CDK14: variants seen among roughly 807,000 people sequenced by gnomAD.
The protein encoded by CDK14 is cyclin-dependent kinase 14.
CDK14 carries 34 observed loss-of-function variants against 60.7 expected under a neutral mutation model. The ratio of observed to expected loss-of-function variants is 0.56; its 90% CI spans 0.43 to 0.75. The LOEUF is 0.75. Ranked by LOEUF, CDK14 falls within the 30% of genes least tolerant of loss-of-function variation. The probability of loss-of-function intolerance (pLI) is 0.00; values close to 1 mark genes in which losing one functional copy is unlikely to be tolerated. For synonymous variants in CDK14, 197 were observed against 203.7 expected (o/e 0.97, Z 0.28); for missense variants, 482 against 564.1 (o/e 0.85, Z 1.47).
intron 10 of CDK14, among the ~76,000 whole-genome samples, chr7:90,987,941 T>C (rs2115669341): frequency 6.6e-6 from 1 of 152,256 alleles, no homozygotes; most frequent in Admixed American, 6.5e-5. Flanking sequence ...TGTTTTGTGT[T>C]TTAATACAAG....
chr7:90,737,106 G>A (rs760181705), intron 3 of CDK14, among the ~76,000 whole-genome samples: 12 of 152,102 alleles, frequency 7.9e-5, no homozygotes, highest in Admixed American at 2.0e-4. Flanking sequence ...GTTTAATACC[G>A]TCACTGATGT....
chr7:91,194,456 A>G (rs1018543916), intron 14 of CDK14, among the ~76,000 whole-genome samples: 1 of 152,158 alleles, frequency 6.6e-6, no homozygotes, highest in Non-Finnish European at 1.5e-5. Context: ...TGTATACTTT[A>G]CACAATATAT....
At chr7:91,022,061 A>T (rs981581770) in intron 10 of CDK14, among the ~76,000 whole-genome samples, 1 of 152,196 alleles carries the variant, frequency 6.6e-6, no homozygotes, top group Non-Finnish European at 1.5e-5. Context: ...GGATGGGTCC[A>T]GTCTTGCTGT....
chr7:90,871,810 G>A (rs1359306277), intron 6 of CDK14, among the ~76,000 whole-genome samples: 1 of 152,232 alleles, frequency 6.6e-6, no homozygotes, highest in South Asian at 2.1e-4. Context: ...CAGATACTTC[G>A]TGCATGCCGT....
At chr7:90,808,642 A>G (rs1788960127) in intron 5 of CDK14, among the ~76,000 whole-genome samples, 1 of 152,224 alleles carries the variant, frequency 6.6e-6, no homozygotes, top group South Asian at 2.1e-4. Flanking sequence ...TAAATGGGCT[A>G]AATGCTCCAA....
intron 7 of CDK14, among the ~76,000 whole-genome samples, chr7:90,910,143 A>G (rs1408423744): frequency 6.6e-6 from 1 of 152,218 alleles, no homozygotes; most frequent in Non-Finnish European, 1.5e-5. Context: ...GTAATGTTGA[A>G]TAGCTAGGGT....
rs150997996 is a variant in CDK14 at position 90,916,617 on chromosome 7, G to A, written c.703-984G>A. 5.3e-3 allele frequency among the ~76,000 whole-genome samples: 807 copies of A among 152,198 alleles called. 8 individuals carry two copies. The highest frequency in any genetic ancestry group is 0.018 in the African/African-American group (760 of 41,512). ...CGTCTTTTACAACTCATTTAAAATT[G>A]CCCTGAAACTGCCTTTGGTTACTAA... On this transcript the variant is annotated intron_variant, in intron 7 of 14. Coordinates refer to ENST00000380050, the MANE Select transcript of CDK14 (RefSeq NM_001287135.2).
chr7:90,895,945 G>T (rs1792324130), intron 6 of CDK14, among the ~76,000 whole-genome samples: 1 of 151,784 alleles, frequency 6.6e-6, no homozygotes, highest in Admixed American at 6.6e-5. Context: ...AATCAGACTT[G>T]CCAAAGGTTG....
chr7:91,189,573 A>G (rs6465305), intron 14 of CDK14, among the ~76,000 whole-genome samples: 77,584 of 152,018 alleles, frequency 0.51, 21,107 homozygotes, highest in Middle Eastern at 0.63. Flanking sequence ...CAGTTCACCC[A>G]ATCTGAAAGT....
At chr7:91,105,644 A>T (rs1039470962) in intron 12 of CDK14, among the ~76,000 whole-genome samples, 6 of 152,130 alleles carry the variant, frequency 3.9e-5, no homozygotes, top group African/African-American at 1.4e-4. Context: ...ACATTAGACA[A>T]CCATGGGCTC....
At chr7:90,994,544 A>G (rs535337626) in intron 10 of CDK14, among the ~76,000 whole-genome samples, 1 of 152,348 alleles carries the variant, frequency 6.6e-6, no homozygotes, top group Admixed American at 6.5e-5. Context: ...CTGACCATGT[A>G]AATTTTCATT....
In CDK14 at chr7:90,611,942, C is replaced by G. The variant is rs1393318202; in HGVS notation, c.123+7693C>G. On this transcript the variant is annotated intron_variant, in intron 2 of 14. Coordinates refer to ENST00000380050, the MANE Select transcript of CDK14 (RefSeq NM_001287135.2). ...CCACCTCCAGGGTTCAAGTGATTCTCCTGCCTCAGCCTCCCAGGTAGCTGG... is the reference window on the plus strand; with the variant it reads ...CCACCTCCAGGGTTCAAGTGATTCTGCTGCCTCAGCCTCCCAGGTAGCTGG... Among the ~76,000 whole-genome samples, 4 of 151,022 alleles carry G rather than the reference C, an allele frequency of 2.6e-5. No homozygotes were observed. The East Asian group carries it at 7.9e-4, about 30-fold the overall frequency.
At chr7:91,196,992 G>T (rs1389998582) in intron 14 of CDK14, among the ~76,000 whole-genome samples, 1 of 152,200 alleles carries the variant, frequency 6.6e-6, no homozygotes, top group African/African-American at 2.4e-5. Flanking sequence ...TGTTACCTCT[G>T]TTTTTATAAT....
At chr7:90,951,486 C>T (rs1473916171) in intron 8 of CDK14, among the ~76,000 whole-genome samples, 1 of 152,118 alleles carries the variant, frequency 6.6e-6, no homozygotes, top group African/African-American at 2.4e-5. Flanking sequence ...AGGAGTAAGT[C>T]AGTGTTGCCA....
intron 14 of CDK14, among the ~76,000 whole-genome samples, chr7:91,173,446 G>A (rs1448927263): frequency 6.6e-6 from 1 of 152,044 alleles, no homozygotes; most frequent in Middle Eastern, 3.4e-3. Flanking sequence ...AAAAAGGTGG[G>A]GAGGAGCCAA....
At chr7:90,669,583 A>G (rs1465856374) in intron 2 of CDK14, among the ~76,000 whole-genome samples, 1 of 152,248 alleles carries the variant, frequency 6.6e-6, no homozygotes, top group Admixed American at 6.5e-5. Flanking sequence ...ACCAACATGA[A>G]GAAACGTGAG....
chr7:90,600,230 T>G (rs758036115), intron 1 of CDK14, among the ~76,000 whole-genome samples: 3 of 152,082 alleles, frequency 2.0e-5, no homozygotes, highest in Non-Finnish European at 4.4e-5. Flanking sequence ...TGTCTCACAC[T>G]TTTTTTTAAA....
intron 5 of CDK14, among the ~76,000 whole-genome samples, chr7:90,838,098 T>C (rs1790172426): frequency 6.6e-6 from 1 of 152,194 alleles, no homozygotes; most frequent in Non-Finnish European, 1.5e-5. Context: ...AGGGACCGGC[T>C]GAAGCTGCGG....
intron 5 of CDK14, among the ~76,000 whole-genome samples, chr7:90,811,652 A>G (rs1789120180): frequency 6.6e-6 from 1 of 151,858 alleles, no homozygotes; most frequent in African/African-American, 2.4e-5. Flanking sequence ...CTGCACAGCA[A>G]AAGAAACTAT....
Sources: gnomAD v4.1 joint callset for allele counts (sites outside exome capture counted in the v4.1 genomes callset) on GRCh38, gnomAD v4.1.1 for gene constraint, MANE v1.5 for transcripts, NCBI Gene and HGNC (gene_info 2026-07-23, HGNC 2026-07-21) for gene names.